Variants in TET3 observed in about 807,000 individuals in gnomAD.
TET3 encodes the protein tet methylcytosine dioxygenase 3, also known as methylcytosine dioxygenase TET3.
A neutral mutation model predicts 141.4 loss-of-function variants in TET3; 19 were observed. The ratio of observed to expected loss-of-function variants is 0.13; its 90% CI spans 0.09 to 0.20. The LOEUF (loss-of-function observed/expected upper bound fraction) is 0.20, where lower values mean the gene tolerates loss of function less well. Ranked by LOEUF, TET3 falls within the 10% of genes least tolerant of loss-of-function variation. The probability of loss-of-function intolerance (pLI) is 1.00; values close to 1 mark genes in which losing one functional copy is unlikely to be tolerated. For synonymous variants in TET3, 1,043 were observed against 980.9 expected, an observed-to-expected ratio of 1.06 and a Z score of -1.18; for missense variants, 1,874 against 2,356.9, an observed-to-expected ratio of 0.80 and a Z score of 4.24.
intron 3 of TET3, among the ~76,000 whole-genome samples, chr2:74,013,483 T>A (rs938571406): frequency 6.6e-6 from 1 of 152,142 alleles, no homozygotes; most frequent in African/African-American, 2.4e-5. Context: ...TTGGTATAAT[T>A]TAAATAGTAC....
chr2:74,101,950 G>A lies in TET3; in HGVS notation c.5162G>A (p.Arg1721Gln), dbSNP rs768534511. The change falls in exon 12 of 12, where the codon CGG (arginine) becomes CAG (glutamine). Residue 1721 changes from arginine (R) to glutamine (Q), a missense_variant. Around this residue, in one of 10 missense-constraint regions of TET3, gnomAD observed 113 missense variants for 114.3 expected, o/e 0.99. Transcript: ENST00000409262. This position sits in a 1 kb window ranked among gnomAD's most constrained non-coding sequence, Gnocchi z 8.5. ...ATGAAGCAGCTGGCGGAGAGGGCACGGGCACGGCAGGAGGAGGCTGCCCGG... is the reference window on the plus strand; with the variant it reads ...ATGAAGCAGCTGGCGGAGAGGGCACAGGCACGGCAGGAGGAGGCTGCCCGG... ...AKMKQLAERA[R>Q]ARQEEAARLG... 1.2e-5 allele frequency: 19 copies of A among 1,611,944 alleles called. No individual in the cohort carries two copies. Among genetic ancestry groups the A allele is most frequent in the South Asian group, 5.5e-5 (5 of 91,024 alleles).
Position 74,100,904 on chromosome 2 carries a change from C to A in TET3, c.4116C>A (p.Ala1372=). The A allele has an allele frequency of 6.2e-7, 1 of 1,610,190 alleles. No homozygotes were observed. The highest frequency in any genetic ancestry group is 8.5e-7 in the Non-Finnish European group (1 of 1,178,396). The change falls in exon 12 of 12, where the codon GCC becomes GCA. Residue 1372 remains alanine (A), a synonymous_variant. Transcript: ENST00000409262. The part of the protein sequence containing the change: ...PGPKEYLLPK[A]PLLHSVSRDP... ...CCAAGGAGTATCTGCTTCCCAAGGC[C>A]CCCCTACTCCACTCAGTGTCCAGGG...
At position 74,074,026 on chromosome 2, in the gene TET3, A is replaced by G. The variant is rs527494653; in HGVS notation, c.2585+387A>G. ...AGTTAGACCAAAAGCCCTGATTGAG[A>G]TCAGGTTATTTTTCCTTTTTTTCCA... On this transcript the variant is annotated intron_variant, in intron 5 of 11. Coordinates refer to ENST00000409262, the MANE Select transcript of TET3 (RefSeq NM_001287491.2). 9.1e-4 allele frequency: 142 copies of G among 155,576 alleles called. 8 individuals are homozygous for G. The South Asian group carries it at 0.028, about 31-fold the overall frequency. The allele number at this position is 155,576 out of a possible 1,614,324, so 9.6% of individuals were successfully genotyped here.
At chr2:74,005,713 G>A (rs146991035) in intron 3 of TET3, among the ~76,000 whole-genome samples, 2 of 152,278 alleles carry the variant, frequency 1.3e-5, no homozygotes, top group African/African-American at 4.8e-5. Flanking sequence ...ACACATATAC[G>A]ATGTGCTAAG....
rs950075053 is a variant in TET3, at chr2:74,105,502, G to A, written c.*3326G>A. On this transcript the variant is annotated 3_prime_UTR_variant, in exon 12 of 12. Transcript: ENST00000409262. ...TGTTGCATGGATTTGGGGGTCTTTC[G>A]GTTTTTGGTTTTGGGTCTGGCTTTT... 3.0e-5 allele frequency: 12 copies of A among 397,904 alleles called. No individual in the cohort carries two copies. Among genetic ancestry groups the A allele is most frequent in the South Asian group, 2.8e-4 (2 of 7,038 alleles). The allele number at this position is 397,904 out of a possible 1,614,324, so 24.6% of individuals were successfully genotyped here.
intron 5 of TET3, among the ~76,000 whole-genome samples, chr2:74,075,781 T>C (rs572045538): frequency 1.4e-4 from 21 of 152,284 alleles, no homozygotes; most frequent in Non-Finnish European, 2.1e-4. Flanking sequence ...GGAACATTTA[T>C]ATTCACCAGT....
chr2:74,078,394 TGTG>T (rs1689632561), intron 5 of TET3, among the ~76,000 whole-genome samples: 1 of 152,226 alleles, frequency 6.6e-6, no homozygotes, highest in South Asian at 2.1e-4. Flanking sequence ...TTAAACCAAA[TGTG>T]GTCCATTATA....
At chr2:74,041,702 G>C (rs548660899) in intron 3 of TET3, among the ~76,000 whole-genome samples, 2 of 152,026 alleles carry the variant, frequency 1.3e-5, no homozygotes, top group African/African-American at 4.8e-5. Flanking sequence ...GAAAATTTTT[G>C]AAAAAAACTG....
intron 2 of TET3, among the ~76,000 whole-genome samples, chr2:73,997,975 G>A (rs1178131220): frequency 6.6e-6 from 1 of 152,226 alleles, no homozygotes; most frequent in Non-Finnish European, 1.5e-5. Context: ...TCTTGAGAGT[G>A]TAGTGACATG....
rs745580422 is a variant in TET3, at chr2:74,101,261, G to A, written c.4473G>A (p.Gly1491=). ...CCCACTTCACAGATGGCCAGTGGGG[G>A]CTGTTCCCCGGTGAGGGGCAGCAGG... is the stretch of plus-strand genomic sequence containing the variant. ...APSHFTDGQW[G]LFPGEGQQAA... Residue 1491 remains glycine, a synonymous_variant, in exon 12 of 12, where the codon GGG becomes GGA. Transcript: ENST00000409262. This position sits in a 1 kb window ranked among gnomAD's most constrained non-coding sequence, Gnocchi z 8.5. 1.9e-6 allele frequency: 3 copies of A among 1,612,406 alleles called. No homozygotes were observed. The highest frequency in any genetic ancestry group is 2.7e-5 in the African/African-American group (2 of 74,910).
rs556014295 is a variant in TET3 at position 73,989,586 on chromosome 2, C to A, written c.303+2880C>A. ...GGAATCCCTCAGAAAAGAAGTTCAG[C>A]ATTTTAGGGCTAGAGACAGGTCCCC... is the stretch of plus-strand genomic sequence containing the variant. On this transcript the variant is annotated intron_variant, in intron 2 of 11. Transcript: ENST00000409262. 7.2e-5 allele frequency among the ~76,000 whole-genome samples: 11 copies of A among 152,268 alleles called. No individual in the cohort carries two copies. The South Asian group carries it at 2.1e-3, about 29-fold the overall frequency.
intron 6 of TET3, among the ~76,000 whole-genome samples, chr2:74,085,996 A>G (rs186068649): frequency 6.7e-4 from 102 of 152,266 alleles, no homozygotes; most frequent in African/African-American, 1.2e-3. Context: ...CATTATGTCA[A>G]TGGTGTTCCA....
chr2:73,983,681 G>C (rs1009686707), upstream of TET3, among the ~76,000 whole-genome samples: 2 of 152,204 alleles, frequency 1.3e-5, no homozygotes, highest in African/African-American at 4.8e-5. Flanking sequence ...ATAGCCGGCC[G>C]AATGCTCTTT....
intron 2 of TET3, among the ~76,000 whole-genome samples, chr2:73,992,121 G>A (rs2105086604): frequency 6.6e-6 from 1 of 152,144 alleles, no homozygotes; most frequent in South Asian, 2.1e-4. Flanking sequence ...AGAGTGAGAG[G>A]GAAGAGGTAG....
At chr2:73,994,625 T>C (rs1474239892) in intron 2 of TET3, among the ~76,000 whole-genome samples, 1 of 134,490 alleles carries the variant, frequency 7.4e-6, no homozygotes, top group Non-Finnish European at 1.5e-5. Flanking sequence ...TTTCTTTCTT[T>C]CTTTCTTTCT....
chr2:74,054,894 T>A (rs1026645591), intron 4 of TET3, among the ~76,000 whole-genome samples: 1 of 152,110 alleles, frequency 6.6e-6, no homozygotes. Context: ...TTTTTTGTTG[T>A]TGTTGTTGTT....
At chr2:74,114,853 C>CAAAAAAAAAAAAAA in the TET3 span, among the ~76,000 whole-genome samples, 1,811 of 43,726 alleles carry the variant, frequency 0.041, 294 homozygotes, top group East Asian at 0.11. Flanking sequence ...GACTCTGTCT[C>CAAAAAAAAAAAAAA]AAAAAAAAAA....
intron 4 of TET3, among the ~76,000 whole-genome samples, chr2:74,069,671 T>G (rs1472583923): frequency 6.6e-6 from 1 of 151,924 alleles, no homozygotes; most frequent in African/African-American, 2.4e-5. Context: ...ACTGCAGCCT[T>G]GAACTCCTGG....
chr2:74,099,570 A>G lies in TET3; in HGVS notation c.3562A>G (p.Lys1188Glu). ...GAAGCTGAGCACTCCGGAGAAGATC[A>G]AGCAGGAGGCCCTGGAGCTGGCGGG... is the stretch of plus-strand genomic sequence containing the variant. ...KEKLSTPEKI[K>E]QEALELAGIT... The change falls in exon 11 of 12, where the codon AAG becomes GAG. Residue 1188 changes from lysine to glutamate, a missense_variant. Transcript: ENST00000409262. The G allele has an allele frequency of 6.2e-7, 1 of 1,603,808 alleles. No homozygotes were observed. The highest frequency in any genetic ancestry group is 8.5e-7 in the Non-Finnish European group (1 of 1,174,328).
Sources: gnomAD v4.1 joint callset for allele counts (sites outside exome capture counted in the v4.1 genomes callset) on GRCh38, gnomAD v4.1.1 for gene constraint, gnomAD v4.1.1 regional missense constraint, Gnocchi (gnomAD v3.1) non-coding constraint, MANE v1.5 for transcripts, NCBI Gene and HGNC (gene_info 2026-07-23, HGNC 2026-07-21) for gene names.